Variants in ZNRF3 observed in about 807,000 individuals in gnomAD.
The protein encoded by ZNRF3 is E3 ubiquitin-protein ligase ZNRF3.
Under a neutral mutation model 72.5 loss-of-function variants are expected in ZNRF3, and 23 were observed. The observed-to-expected ratio is 0.32, with a 90% CI of 0.23 to 0.45. The LOEUF (loss-of-function observed/expected upper bound fraction) is 0.45, where lower values mean the gene tolerates loss of function less well. ZNRF3 is among the 20% of genes least tolerant of loss of function. ZNRF3 has a pLI of 1.00. For missense variants in ZNRF3, 1,169 were observed against 1,272.1 expected (o/e 0.92, Z 1.23); for synonymous variants, 610 against 545.3 (o/e 1.12, Z -1.65).
At chr22:28,994,230 A>G (rs1434511646) in intron 2 of ZNRF3, among the ~76,000 whole-genome samples, 1 of 97,802 alleles carries the variant, frequency 1.0e-5, no homozygotes, top group Non-Finnish European at 1.9e-5. Context: ...CTTGTTGCCC[A>G]GGCTGGAGTG....
At chr22:28,884,294 G>C (rs1245190935) in intron 1 of ZNRF3, among the ~76,000 whole-genome samples, 1 of 152,112 alleles carries the variant, frequency 6.6e-6, no homozygotes, top group African/African-American at 2.4e-5. Context: ...TGTGAACCCC[G>C]GGGCGGGAGG....
At chr22:29,034,923 C>A (rs546460486) in intron 2 of ZNRF3, among the ~76,000 whole-genome samples, 1 of 147,206 alleles carries the variant, frequency 6.8e-6, no homozygotes, top group Admixed American at 6.8e-5. Context: ...TACCGTGGAA[C>A]AACTAAATTA....
intron 1 of ZNRF3, among the ~76,000 whole-genome samples, chr22:28,930,501 G>T (rs1005388659): frequency 2.6e-5 from 4 of 152,216 alleles, no homozygotes; most frequent in African/African-American, 9.7e-5. Context: ...TTCAAGCCCC[G>T]GTTCTGTTGC....
intron 1 of ZNRF3, among the ~76,000 whole-genome samples, chr22:28,971,072 C>T (rs1360216848): frequency 6.6e-6 from 1 of 152,068 alleles, no homozygotes; most frequent in East Asian, 1.9e-4. Context: ...GCCTGTAGTC[C>T]CCGCAAGTTG....
chr22:29,047,869 G>A (rs946430161), intron 6 of ZNRF3, among the ~76,000 whole-genome samples: 1 of 152,208 alleles, frequency 6.6e-6, no homozygotes, highest in African/African-American at 2.4e-5. Context: ...CCCATGGTGA[G>A]GTTCAGGATC....
intron 1 of ZNRF3, among the ~76,000 whole-genome samples, chr22:28,934,817 CA>C (rs1244256699): frequency 0.04 from 2,261 of 57,178 alleles, 24 homozygotes; most frequent in South Asian, 0.09. Flanking sequence ...GACTCTGTCT[CA>C]AAAAAAAAAA....
At chr22:29,052,195 G>A (rs1477292001) in intron 8 of ZNRF3, among the ~76,000 whole-genome samples, 1 of 152,148 alleles carries the variant, frequency 6.6e-6, no homozygotes, top group Non-Finnish European at 1.5e-5. Context: ...CATCCCAAAT[G>A]TATCTACTTC....
At chr22:28,944,027 G>GAAAAAAAAAAAA in intron 1 of ZNRF3, among the ~76,000 whole-genome samples, 1 of 123,188 alleles carries the variant, frequency 8.1e-6, no homozygotes, top group Non-Finnish European at 1.8e-5. Flanking sequence ...GGCCAAAAAG[G>GAAAAAAAAAAAA]AAAAAAAAAA....
chr22:28,915,176 A>G lies in ZNRF3; in HGVS notation c.300+31110A>G, dbSNP rs1461516156. Among the ~76,000 whole-genome samples, 4 of 152,260 alleles carry G rather than the reference A, an allele frequency of 2.6e-5. No homozygotes were observed. In the East Asian group the frequency reaches 7.7e-4, roughly 29 times the overall value. On this transcript the variant is annotated intron_variant, in intron 1 of 8. Transcript: ENST00000544604. Reference sequence around the variant, plus strand: ...GGTGGCTTAAATGACAGACATATTTACTCATGATTCTGAAGGCTAGAAGTC... The same window carrying G: ...GGTGGCTTAAATGACAGACATATTTGCTCATGATTCTGAAGGCTAGAAGTC...
chr22:28,942,185 T>C (rs1200390876), intron 1 of ZNRF3, among the ~76,000 whole-genome samples: 1 of 152,206 alleles, frequency 6.6e-6, no homozygotes, highest in Non-Finnish European at 1.5e-5. Context: ...CATACTTTCT[T>C]TGAGGATCTG....
At chr22:28,974,415 A>G (rs1015391658) in intron 1 of ZNRF3, among the ~76,000 whole-genome samples, 1 of 152,210 alleles carries the variant, frequency 6.6e-6, no homozygotes, top group Non-Finnish European at 1.5e-5. Context: ...TACATTTTAT[A>G]ATTGTTTTCA....
intron 8 of ZNRF3, 84 bp downstream of exon 8, chr22:29,051,032 ACTT>A: frequency 7.1e-7 from 1 of 1,414,794 alleles, no homozygotes; most frequent in Non-Finnish European, 9.4e-7. Flanking sequence ...TTTCTGAATG[ACTT>A]CTTTTGTGTC....
intron 8 of ZNRF3, 108 bp from the exon 9 acceptor site, chr22:29,053,471 C>A (rs188771040): frequency 1.2e-5 from 12 of 1,021,886 alleles, no homozygotes; most frequent in Non-Finnish European, 1.8e-5. Context: ...AGCCCTTTAG[C>A]ATACACAGGC....
chr22:29,050,080 C>A lies in ZNRF3; in HGVS notation c.1899C>A (p.Leu633=). ...AGGGCTCCCCGCCTCCCGAGGAGCT[C>A]CCGGCGGTGCACAGTCATGGTGCTG... ...CFEGSPPPEE[L]PAVHSHGAGR... Residue 633 remains leucine, a synonymous_variant, in exon 8 of 9, where the codon CTC becomes CTA. Transcript: ENST00000544604. The A allele has an allele frequency of 6.2e-7, 1 of 1,607,804 alleles. No individual in the cohort carries two copies. The highest frequency in any genetic ancestry group is 2.2e-5 in the East Asian group (1 of 44,826).
chr22:28,977,066 C>G (rs1373406844), intron 1 of ZNRF3, among the ~76,000 whole-genome samples: 1 of 152,198 alleles, frequency 6.6e-6, no homozygotes, highest in Non-Finnish European at 1.5e-5. Flanking sequence ...CAGGTCACTT[C>G]TCAGTTGTGC....
At chr22:29,027,912 G>A (rs191429042) in intron 2 of ZNRF3, among the ~76,000 whole-genome samples, 61 of 152,290 alleles carry the variant, frequency 4.0e-4, no homozygotes, top group Non-Finnish European at 1.8e-4. Context: ...GGCTTTGGTA[G>A]GGTGTCATCA....
At chr22:28,943,009 T>G (rs530531473) in intron 1 of ZNRF3, among the ~76,000 whole-genome samples, 1 of 152,342 alleles carries the variant, frequency 6.6e-6, no homozygotes, top group Non-Finnish European at 1.5e-5. Context: ...CTGACCATCT[T>G]GCAGGTATGT....
intron 8 of ZNRF3, among the ~76,000 whole-genome samples, chr22:29,052,722 T>C (rs1263373517): frequency 6.7e-6 from 1 of 150,210 alleles, no homozygotes; most frequent in East Asian, 2.0e-4. Context: ...AACTCCTGGC[T>C]GAGTGCTTTG....
At chr22:28,982,429 T>C (rs2035780071) in intron 1 of ZNRF3, among the ~76,000 whole-genome samples, 1 of 99,064 alleles carries the variant, frequency 1.0e-5, no homozygotes, top group Admixed American at 1.2e-4. Flanking sequence ...GAGACCTGTC[T>C]CTACAAAAAA....
Sources: allele counts gnomAD v4.1 joint callset (sites outside exome capture counted in the v4.1 genomes callset), GRCh38; gene constraint gnomAD v4.1.1; transcripts MANE v1.5; gene names NCBI Gene and HGNC (gene_info 2026-07-23, HGNC 2026-07-21).